The following PCDH9 variants were observed in gnomAD, a reference collection of about 807,000 sequenced individuals.
The protein encoded by PCDH9 is protocadherin-9.
In PCDH9, 24 loss-of-function variants were observed where a neutral mutation model predicts 70.6. The ratio of observed to expected loss-of-function variants is 0.34; its 90% CI spans 0.25 to 0.48. The LOEUF is 0.48. Ranked by LOEUF, PCDH9 falls within the 20% of genes least tolerant of loss-of-function variation. The pLI is 0.99. For synonymous variants in PCDH9, 562 were observed against 558.5 expected (o/e 1.01, Z -0.09); for missense variants, 1,281 against 1,503.6 (o/e 0.85, Z 2.45).
intron 3 of PCDH9, among the ~76,000 whole-genome samples, chr13:66,691,785 C>T (rs1197778559): frequency 6.6e-6 from 1 of 152,010 alleles, no homozygotes; most frequent in East Asian, 1.9e-4. Context: ...GTATTGAATA[C>T]CAAAAATATT....
chr13:66,566,276 A>C (rs2076651323), intron 4 of PCDH9, among the ~76,000 whole-genome samples: 1 of 152,182 alleles, frequency 6.6e-6, no homozygotes, highest in Non-Finnish European at 1.5e-5. Context: ...TTCACTTTGT[A>C]TCAGTAGACT....
At chr13:66,749,718 A>G (rs1274973453) in intron 3 of PCDH9, among the ~76,000 whole-genome samples, 1 of 152,154 alleles carries the variant, frequency 6.6e-6, no homozygotes, top group Non-Finnish European at 1.5e-5. Context: ...ATGGATGCCT[A>G]CCCCTTACTA....
intron 3 of PCDH9, among the ~76,000 whole-genome samples, chr13:66,682,866 A>C (rs973365121): frequency 6.6e-6 from 1 of 152,152 alleles, no homozygotes; most frequent in African/African-American, 2.4e-5. Flanking sequence ...GCAGCTTGAA[A>C]AATAGACCTG....
At chr13:66,701,696 T>C (rs2139109011) in intron 3 of PCDH9, among the ~76,000 whole-genome samples, 1 of 152,306 alleles carries the variant, frequency 6.6e-6, no homozygotes, top group Non-Finnish European at 1.5e-5. Flanking sequence ...GTTTGTATTT[T>C]TTTTCAGTAA....
At chr13:67,110,047 C>A (rs9541004) in intron 2 of PCDH9, among the ~76,000 whole-genome samples, 18,471 of 151,752 alleles carry the variant, frequency 0.12, 1,198 homozygotes, top group African/African-American at 0.15. Context: ...AATTTGGTCG[C>A]GGAGGCTTTG....
intron 2 of PCDH9, among the ~76,000 whole-genome samples, chr13:67,127,583 G>A (rs979666700): frequency 1.3e-5 from 2 of 151,816 alleles, no homozygotes; most frequent in African/African-American, 4.8e-5. Flanking sequence ...TGTGTTGTGG[G>A]GAAGGGCATT....
chr13:66,796,211 T>C (rs190374954), intron 3 of PCDH9, among the ~76,000 whole-genome samples: 5 of 152,250 alleles, frequency 3.3e-5, no homozygotes. Context: ...CCTGATCCAT[T>C]TGAATGTGTG....
chr13:67,025,972 C>T (rs920354674), intron 2 of PCDH9, among the ~76,000 whole-genome samples: 1 of 152,012 alleles, frequency 6.6e-6, no homozygotes, highest in African/African-American at 2.4e-5. Context: ...GGTGGTTATG[C>T]TCTTTTAAAA....
Position 67,004,552 on chromosome 13 carries a change from CAA to C in PCDH9, c.3037-100949_3037-100948del, listed in dbSNP as rs34776193. Reference sequence around the variant, plus strand: ...AGCCTGGGTGACAGAGACTCCGTCTCAAAAAAAAAAAAAAAGAAAGAAAGAAA... The same window carrying C: ...AGCCTGGGTGACAGAGACTCCGTCTCAAAAAAAAAAAAAGAAAGAAAGAAA... On this transcript the variant is annotated intron_variant, in intron 2 of 4. Coordinates refer to ENST00000377865, the MANE Select transcript of PCDH9 (RefSeq NM_203487.3). Among the ~76,000 whole-genome samples the C allele has an allele frequency of 3.1e-4, 38 of 123,980 alleles. No individual in the cohort carries two copies. The South Asian group carries it at 3.7e-3, about 12-fold the overall frequency. The allele number at this position is 123,980 out of a possible 152,430, so 81.3% of individuals were successfully genotyped here. A position where few individuals can be genotyped will look rare whatever the true frequency, so the allele number is the denominator to read the frequency against.
chr13:66,408,377 G>A (rs538739032), intron 4 of PCDH9, among the ~76,000 whole-genome samples: 15 of 152,194 alleles, frequency 9.9e-5, no homozygotes, highest in African/African-American at 3.6e-4. Flanking sequence ...TCCTTAACAG[G>A]GATGACAGAA....
chr13:67,226,986 C>T lies in PCDH9; in HGVS notation c.1455G>A (p.Gly485=), dbSNP rs750571799. The part of the protein sequence containing the change: ...ELSVSENNRR[G]LYLTTISATD... ...TGGCACTAATAGTTGTTAAGTATAACCCACGTCGGTTGTTTTCAGAAACTG... is the reference window on the plus strand; with the variant it reads ...TGGCACTAATAGTTGTTAAGTATAATCCACGTCGGTTGTTTTCAGAAACTG... Residue 485 remains glycine (G), a synonymous_variant, in exon 2 of 5, where the codon GGG becomes GGA. Transcript: ENST00000377865. The surrounding 1 kb of genome is among the most constrained non-coding windows in gnomAD (Gnocchi z 5.0). The T allele has an allele frequency of 1.2e-6, 2 of 1,614,186 alleles. No individual in the cohort carries two copies. The highest frequency in any genetic ancestry group is 1.7e-6 in the Non-Finnish European group (2 of 1,180,032).
intron 4 of PCDH9, among the ~76,000 whole-genome samples, chr13:66,307,608 C>CT (rs912393890): frequency 1.3e-5 from 2 of 152,022 alleles, no homozygotes; most frequent in African/African-American, 4.8e-5. Context: ...TACAAGCAAA[C>CT]TTTTAATCTT....
At chr13:66,311,746 C>T (rs1955565846) in intron 4 of PCDH9, among the ~76,000 whole-genome samples, 1 of 152,064 alleles carries the variant, frequency 6.6e-6, no homozygotes, top group Non-Finnish European at 1.5e-5. Flanking sequence ...ATTCTATGCC[C>T]AATCAATACA....
intron 2 of PCDH9, among the ~76,000 whole-genome samples, chr13:66,995,266 G>A (rs748050042): frequency 3.3e-5 from 5 of 152,140 alleles, no homozygotes; most frequent in South Asian, 2.1e-4. Context: ...CAAGGGCATC[G>A]GAAAGGCTGA....
rs1306875566 is a variant in PCDH9 at position 66,632,137 on chromosome 13, C to T, written c.3139-726G>A. ...CTTGAACTCCTGACCTCAGGTAATC[C>T]GCCCGCCTTGGCCTCCCAAAGTGCT... On this transcript the variant is annotated intron_variant, in intron 3 of 4. Coordinates refer to ENST00000377865, the MANE Select transcript of PCDH9 (RefSeq NM_203487.3). 3.3e-5 allele frequency among the ~76,000 whole-genome samples: 5 copies of T among 152,240 alleles called. No homozygotes were observed. In the South Asian group the frequency reaches 8.3e-4, roughly 25 times the overall value.
At chr13:66,437,322 A>G (rs1180441220) in intron 4 of PCDH9, among the ~76,000 whole-genome samples, 1 of 142,408 alleles carries the variant, frequency 7.0e-6, no homozygotes, top group Non-Finnish European at 1.5e-5. Flanking sequence ...CAGGAGAATG[A>G]CGTGAACCCG....
intron 3 of PCDH9, chr13:66,886,173 G>A (rs2139552936): frequency 6.6e-6 from 1 of 152,174 alleles, no homozygotes; most frequent in South Asian, 2.1e-4. Flanking sequence ...TTCTCTGTTT[G>A]GCTCTTTTTT....
intron 3 of PCDH9, among the ~76,000 whole-genome samples, chr13:66,785,496 T>C (rs1041291424): frequency 6.6e-6 from 1 of 152,060 alleles, no homozygotes; most frequent in Non-Finnish European, 1.5e-5. Flanking sequence ...TCCTTATTTT[T>C]AATGTAAGAG....
chr13:66,429,411 T>C (rs1305409724), intron 4 of PCDH9, among the ~76,000 whole-genome samples: 3 of 135,254 alleles, frequency 2.2e-5, no homozygotes, highest in East Asian at 2.2e-4. Context: ...TTTTCTTTTA[T>C]AGATTTGTTA....
Sources: gnomAD v4.1 joint callset for allele counts (sites outside exome capture counted in the v4.1 genomes callset) on GRCh38, gnomAD v4.1.1 for gene constraint, Gnocchi (gnomAD v3.1) non-coding constraint, MANE v1.5 for transcripts, NCBI Gene and HGNC (gene_info 2026-07-23, HGNC 2026-07-21) for gene names.